CSMD3: variants seen among roughly 807,000 people sequenced by gnomAD.
CSMD3 encodes the protein CUB and sushi domain-containing protein 3.
A neutral mutation model predicts 435.2 loss-of-function variants in CSMD3; 177 were observed. The ratio of observed to expected loss-of-function variants is 0.41; its 90% CI spans 0.36 to 0.46. The LOEUF is 0.46. CSMD3 is among the 20% of genes least tolerant of loss of function. The pLI, the probability that CSMD3 is intolerant of heterozygous loss-of-function variation, is 0.34. For synonymous variants in CSMD3, 1,656 were observed against 1,520.5 expected (o/e 1.09, Z -2.07); for missense variants, 4,265 against 4,504.6 (o/e 0.95, Z 1.52).
Position 112,912,221 on chromosome 8 carries a change from G to A in CSMD3, c.1633+9406C>T, listed in dbSNP as rs576568381. On this transcript the variant is annotated intron_variant, in intron 10 of 70. Transcript: ENST00000297405. ...CTGTGAATAATTCAGCAATGAATAT[G>A]GGAATGTAGATATGTCTTGGACATA... 6.2e-4 allele frequency among the ~76,000 whole-genome samples: 94 copies of A among 151,302 alleles called. 1 individual carries two copies. In the South Asian group the frequency reaches 0.019, roughly 30 times the overall value.
intron 32 of CSMD3, among the ~76,000 whole-genome samples, chr8:112,452,896 T>C (rs6469422): frequency 0.81 from 123,804 of 152,090 alleles, 50,976 homozygotes; most frequent in African/African-American, 0.93. Flanking sequence ...CTGAAAAGAA[T>C]CACAAAACAA....
chr8:113,227,586 G>A (rs2093041862), intron 3 of CSMD3, among the ~76,000 whole-genome samples: 1 of 151,650 alleles, frequency 6.6e-6, no homozygotes. Flanking sequence ...GATCATGGAA[G>A]TGGTTTTCCC....
intron 18 of CSMD3, 90 bp downstream of exon 18, chr8:112,656,064 T>C: frequency 2.8e-6 from 2 of 711,044 alleles, no homozygotes; most frequent in Non-Finnish European, 5.0e-6. Flanking sequence ...TTAAAATAAA[T>C]AGAGCTAATA....
intron 1 of CSMD3, among the ~76,000 whole-genome samples, chr8:113,322,608 A>T (rs930864756): frequency 6.6e-6 from 1 of 152,150 alleles, no homozygotes; most frequent in African/African-American, 2.4e-5. Flanking sequence ...TGTATTTTAG[A>T]ATCAATTTAC....
chr8:113,415,063 T>A (rs1014453442), intron 1 of CSMD3, among the ~76,000 whole-genome samples: 3 of 152,176 alleles, frequency 2.0e-5, no homozygotes, highest in Admixed American at 1.3e-4. Flanking sequence ...TTAATACGAC[T>A]TTGGAAATTA....
intron 5 of CSMD3, among the ~76,000 whole-genome samples, chr8:113,056,614 T>G (rs950944523): frequency 7.2e-5 from 11 of 152,224 alleles, no homozygotes; most frequent in African/African-American, 2.4e-4. Flanking sequence ...CATCTTTGAA[T>G]TATCTGTTCT....
chr8:112,302,584 C>T (rs1821033577), intron 52 of CSMD3, among the ~76,000 whole-genome samples: 1 of 151,768 alleles, frequency 6.6e-6, no homozygotes, highest in African/African-American at 2.4e-5. Flanking sequence ...TATTTGAAGA[C>T]CACAAATGAA....
chr8:112,270,343 A>AGT (rs10577337), intron 59 of CSMD3, among the ~76,000 whole-genome samples: 2,574 of 124,258 alleles, frequency 0.021, 37 homozygotes, highest in East Asian at 0.067. Flanking sequence ...CAGAGGGGTG[A>AGT]GTGTGTGTGT....
chr8:112,715,132 T>C (rs1418012748), intron 13 of CSMD3, among the ~76,000 whole-genome samples: 1 of 151,982 alleles, frequency 6.6e-6, no homozygotes, highest in East Asian at 1.9e-4. Flanking sequence ...AATGAATCAA[T>C]GAGCTGGTTT....
Position 112,406,791 on chromosome 8 carries a change from A to T in CSMD3, c.5606-64T>A, listed in dbSNP as rs2130032681. ...TAGACAAATACAGATTTCAAAATGTAACTGTTTAAACACATTTTTGAGAAA... is the reference window on the plus strand; with the variant it reads ...TAGACAAATACAGATTTCAAAATGTTACTGTTTAAACACATTTTTGAGAAA... On this transcript the variant is annotated intron_variant, in intron 34 of 70. Transcript: ENST00000297405. 4.1e-6 allele frequency: 4 copies of T among 981,068 alleles called. No individual in the cohort carries two copies. In the Admixed American group the frequency reaches 8.8e-5, roughly 22 times the overall value. The allele number at this position is 981,068 out of a possible 1,614,324, so 60.8% of individuals were successfully genotyped here.
chr8:113,279,126 T>G (rs2093593889), intron 2 of CSMD3, among the ~76,000 whole-genome samples: 1 of 151,360 alleles, frequency 6.6e-6, no homozygotes, highest in Admixed American at 6.6e-5. Flanking sequence ...TCAGAACCTA[T>G]TAAGGCAATA....
intron 58 of CSMD3, among the ~76,000 whole-genome samples, chr8:112,286,803 T>C (rs979246650): frequency 6.6e-6 from 1 of 152,120 alleles, no homozygotes; most frequent in Non-Finnish European, 1.5e-5. Context: ...TTAACAAATA[T>C]ATATTACTTT....
chr8:112,355,389 A>G (rs527591844), intron 38 of CSMD3, among the ~76,000 whole-genome samples: 2 of 152,356 alleles, frequency 1.3e-5, no homozygotes, highest in African/African-American at 4.8e-5. Flanking sequence ...ACAGCAAAAG[A>G]AACTGTTAAA....
chr8:112,494,494 CCTTTCTTTCTTTCTTTCTTTCTTTCTTT>C (rs66517203), intron 30 of CSMD3, among the ~76,000 whole-genome samples: 19 of 40,228 alleles, frequency 4.7e-4, no homozygotes, highest in South Asian at 3.4e-3. Context: ...TTCTTTCTCT[CCTTTCTTTCTTTCTTTCTTTCTTTCTTT>C]CTTTCTTTCT....
chr8:112,658,095 G>T (rs1022876887), intron 17 of CSMD3, among the ~76,000 whole-genome samples: 1 of 152,110 alleles, frequency 6.6e-6, no homozygotes, highest in African/African-American at 2.4e-5. Context: ...AACATAATTG[G>T]ATGCTTTAGT....
intron 13 of CSMD3, among the ~76,000 whole-genome samples, chr8:112,751,128 G>C (rs1333515960): frequency 6.6e-6 from 1 of 151,654 alleles, no homozygotes; most frequent in African/African-American, 2.4e-5. Flanking sequence ...CTTTCTTTCT[G>C]AGAGAATATG....
chr8:113,236,218 A>G (rs1376202269), intron 3 of CSMD3, among the ~76,000 whole-genome samples: 1 of 152,212 alleles, frequency 6.6e-6, no homozygotes, highest in Non-Finnish European at 1.5e-5. Flanking sequence ...CCGCCTTTGC[A>G]TACTTGACCT....
intron 12 of CSMD3, among the ~76,000 whole-genome samples, chr8:112,822,418 T>C (rs1296354547): frequency 6.6e-6 from 1 of 152,152 alleles, no homozygotes; most frequent in African/African-American, 2.4e-5. Flanking sequence ...GTAGCAATTG[T>C]AAACTGGAGT....
chr8:112,369,089 G>C (rs1828066943), intron 38 of CSMD3, among the ~76,000 whole-genome samples: 1 of 151,966 alleles, frequency 6.6e-6, no homozygotes, highest in Non-Finnish European at 1.5e-5. Context: ...ATAATACTCT[G>C]GTACAAATGG....
Sources: allele counts gnomAD v4.1 joint callset (sites outside exome capture counted in the v4.1 genomes callset), GRCh38; gene constraint gnomAD v4.1.1; transcripts MANE v1.5; gene names NCBI Gene and HGNC (gene_info 2026-07-23, HGNC 2026-07-21).